The following CXCL9 variants were observed in gnomAD, a reference collection of about 807,000 sequenced individuals.
CXCL9 encodes C-X-C motif chemokine 9.
In CXCL9, 8 loss-of-function variants were observed where a neutral mutation model predicts 11.7. The ratio of observed to expected loss-of-function variants is 0.68; its 90% CI spans 0.40 to 1.23. The LOEUF (loss-of-function observed/expected upper bound fraction) is 1.23. CXCL9 is among the 50% of genes most tolerant of loss of function. The pLI is 0.01. For synonymous variants in CXCL9, 43 were observed against 48.2 expected, an observed-to-expected ratio of 0.89 and a Z score of 0.45; for missense variants, 133 against 141.7, an observed-to-expected ratio of 0.94 and a Z score of 0.31.
chr4:76,005,203 C>T (rs562070784), intron 2 of CXCL9: 216 of 187,340 alleles, frequency 1.2e-3, no homozygotes, highest in African/African-American at 4.8e-3. Flanking sequence ...TGCGCCACCA[C>T]GCCCAGCTAA....
At chr4:76,005,089 C>A in intron 2 of CXCL9, 196 bp from the exon 3 acceptor site, 2 of 837,522 alleles carry the variant, frequency 2.4e-6, no homozygotes, top group Non-Finnish European at 3.2e-6. Context: ...GCTCTGTTGC[C>A]AGGCTGGAGT....
At position 76,007,480 on chromosome 4, in the gene CXCL9, G is replaced by A; in HGVS notation, c.-31C>T. On this transcript the variant is annotated 5_prime_UTR_variant, in exon 1 of 4. Coordinates refer to ENST00000264888, the MANE Select transcript of CXCL9 (RefSeq NM_002416.3). ...TAGAATGGAGTTCCAAGTCACTCCT[G>A]TATTGGATTTTGAGCCTGAGAAATT... 1 of 1,273,472 alleles carries A rather than the reference G, an allele frequency of 7.9e-7. No individual in the cohort carries two copies. The highest frequency in any genetic ancestry group is 1.5e-5 in the African/African-American group (1 of 68,524). The allele number at this position is 1,273,472 out of a possible 1,614,324, so 78.9% of individuals were successfully genotyped here. A position where few individuals can be genotyped will look rare whatever the true frequency, so the allele number is the denominator to read the frequency against.
In CXCL9 at chr4:76,002,140, T is replaced by C; in HGVS notation, c.*1458A>G. On this transcript the variant is annotated 3_prime_UTR_variant, in exon 4 of 4. Coordinates refer to ENST00000264888, the MANE Select transcript of CXCL9 (RefSeq NM_002416.3). ...TTCGATAAGGATCTCGGTGGCTATC[T>C]TGTTAGATCTTAGAAAGCTGAGGCT... The C allele has an allele frequency of 7.6e-6, 3 of 394,034 alleles. No individual in the cohort carries two copies. Among genetic ancestry groups the C allele is most frequent in the Non-Finnish European group, 1.3e-5 (3 of 224,046 alleles). 24.4% of individuals were successfully genotyped at this position (394,034 alleles called of 1,614,324 possible). A position where few individuals can be genotyped will look rare whatever the true frequency, so the allele number is the denominator to read the frequency against.
chr4:76,002,212 T>A lies in CXCL9; in HGVS notation c.*1386A>T, dbSNP rs767663473. 11 of 398,004 alleles carry A rather than the reference T, an allele frequency of 2.8e-5. No homozygotes were observed. The highest frequency in any genetic ancestry group is 4.4e-5 in the Non-Finnish European group (10 of 225,810). 24.7% of individuals were successfully genotyped at this position (398,004 alleles called of 1,614,324 possible). A position where few individuals can be genotyped will look rare whatever the true frequency, so the allele number is the denominator to read the frequency against. On this transcript the variant is annotated 3_prime_UTR_variant, in exon 4 of 4. Transcript: ENST00000264888. ...TCGGGAAAAGGAATTTTTGTATGGT[T>A]GGGAAAAGGTTGGTCACTGGCTGAT...
chr4:76,007,390 C>T lies in CXCL9; in HGVS notation c.60G>A (p.Val20=). 6.4e-7 allele frequency: 1 copy of T among 1,572,732 alleles called. No individual in the cohort carries two copies. Among genetic ancestry groups the T allele is most frequent in the Non-Finnish European group, 8.8e-7 (1 of 1,142,264 alleles). Reference sequence around the variant, plus strand: ...ACCTAACTCAGAACCCCTTACCTTGCACTCCAATCAGAACCAGCAAGATGA... The same window carrying T: ...ACCTAACTCAGAACCCCTTACCTTGTACTCCAATCAGAACCAGCAAGATGA... ...LGIILLVLIG[V]QGTPVVRKGR... is the part of the protein sequence containing the mutation. Residue 20 remains valine (V), a synonymous_variant, in exon 1 of 4, where the codon GTG becomes GTA. Coordinates refer to ENST00000264888, the MANE Select transcript of CXCL9 (RefSeq NM_002416.3).
chr4:76,004,666 A>T, intron 3 of CXCL9, 143 bp downstream of exon 3: 2 of 1,284,732 alleles, frequency 1.6e-6, no homozygotes, highest in South Asian at 2.2e-5. Flanking sequence ...TGTCCTAGGA[A>T]CAAAATAGAA....
chr4:76,006,277 G>T lies in CXCL9; in HGVS notation c.65-3C>A, dbSNP rs1035844912. The T allele has an allele frequency of 6.2e-7, 1 of 1,612,806 alleles. No homozygotes were observed. Among genetic ancestry groups the T allele is most frequent in the Non-Finnish European group, 8.5e-7 (1 of 1,179,184 alleles). On this transcript the variant is annotated splice_region_variant and splice_polypyrimidine_tract_variant and intron_variant, in intron 1 of 3. Transcript: ENST00000264888. The stretch of plus-strand genomic sequence containing the variant: ...ACCCTTTCTCACTACTGGGGTTCCT[G>T]AGGGAAAGAAAAAGATAGAACACAT...
chr4:76,004,712 G>T, intron 3 of CXCL9, 97 bp downstream of exon 3: 1 of 1,412,782 alleles, frequency 7.1e-7, no homozygotes, highest in Non-Finnish European at 9.2e-7. Context: ...ATTCTTAAAA[G>T]TTATGTATTC....
In CXCL9 at chr4:76,002,085, C is replaced by G; in HGVS notation, c.*1513G>C. On this transcript the variant is annotated 3_prime_UTR_variant, in exon 4 of 4. Coordinates refer to ENST00000264888, the MANE Select transcript of CXCL9 (RefSeq NM_002416.3). ...ACAAACTCTGAAACAAGTAAACGGACAATAAAACTCATATTTGCCTAAAAT... is the reference window on the plus strand; with the variant it reads ...ACAAACTCTGAAACAAGTAAACGGAGAATAAAACTCATATTTGCCTAAAAT... 2.6e-6 allele frequency: 1 copy of G among 385,714 alleles called. No individual in the cohort carries two copies. The highest frequency in any genetic ancestry group is 3.7e-5 in the East Asian group (1 of 27,344). 23.9% of individuals were successfully genotyped at this position (385,714 alleles called of 1,614,324 possible).
At chr4:76,006,056 TTGTA>T in intron 2 of CXCL9, 88 bp downstream of exon 2, 1 of 1,187,878 alleles carries the variant, frequency 8.4e-7, no homozygotes, top group Non-Finnish European at 1.2e-6. Context: ...TTTTAAGTGT[TTGTA>T]TGGGCAAGCA....
intron 1 of CXCL9, among the ~76,000 whole-genome samples, chr4:76,007,053 C>T (rs1731599821): frequency 6.6e-6 from 1 of 152,018 alleles, no homozygotes; most frequent in Non-Finnish European, 1.5e-5. Context: ...TGGTTGGATC[C>T]TTAATTGGTT....
intron 1 of CXCL9, 52 bp from the exon 2 acceptor site, chr4:76,006,326 T>C (rs916209432): frequency 7.1e-6 from 11 of 1,552,164 alleles, no homozygotes; most frequent in South Asian, 2.4e-5. Context: ...TGTTTCAGTT[T>C]AGGTGATCTA....
At chr4:76,006,029 G>T in intron 2 of CXCL9, 119 bp downstream of exon 2, 1 of 868,398 alleles carries the variant, frequency 1.2e-6, no homozygotes, top group Non-Finnish European at 1.8e-6. Context: ...AATTTATGGA[G>T]GGGGTAACCA....
At chr4:76,004,689 G>T in intron 3 of CXCL9, 120 bp downstream of exon 3, 1 of 1,344,910 alleles carries the variant, frequency 7.4e-7, no homozygotes, top group African/African-American at 1.5e-5. Flanking sequence ...ACCATAATAT[G>T]AATGAAAAAT....
rs969902209 is a variant in CXCL9, at chr4:76,001,399, T to C, written c.*2199A>G. On this transcript the variant is annotated 3_prime_UTR_variant, in exon 4 of 4. Transcript: ENST00000264888. The stretch of plus-strand genomic sequence containing the variant: ...GAAAGCTAAAAAGTAAATAAGGACA[T>C]ATAAGATTTACTATTAAACATTCAA... The C allele has an allele frequency of 2.0e-5, 3 of 152,200 alleles. No homozygotes were observed. The highest frequency in any genetic ancestry group is 1.5e-5 in the Non-Finnish European group (1 of 68,034). 9.4% of individuals were successfully genotyped at this position (152,200 alleles called of 1,614,324 possible).
chr4:76,003,634 T>C lies in CXCL9; in HGVS notation c.342A>G (p.Arg114=). 6.2e-7 allele frequency: 1 copy of C among 1,612,042 alleles called. No individual in the cohort carries two copies. Among genetic ancestry groups the C allele is most frequent in the Admixed American group, 1.7e-5 (1 of 59,990 alleles). The change falls in exon 4 of 4, where the codon CGA becomes CGG. Residue 114 remains arginine (R), a synonymous_variant. Coordinates refer to ENST00000264888, the MANE Select transcript of CXCL9 (RefSeq NM_002416.3). ...TCTTTTGACGAGAACGTTGAGATTT[T>C]CGAACTTTCAGAACTTTCTTTTTTT... ...KHQKKKVLKV[R]KSQRSRQKKT... is the part of the protein sequence containing the mutation.
At chr4:76,006,907 T>A (rs1372780628) in intron 1 of CXCL9, among the ~76,000 whole-genome samples, 1 of 152,212 alleles carries the variant, frequency 6.6e-6, no homozygotes, top group Admixed American at 6.5e-5. Flanking sequence ...ATACATTGTG[T>A]AGCAGTCAGA....
chr4:76,005,426 G>C (rs1731566595), intron 2 of CXCL9: 1 of 152,156 alleles, frequency 6.6e-6, no homozygotes, highest in Non-Finnish European at 1.5e-5. Context: ...TATAGTCTGA[G>C]AATAAGAGTA....
At chr4:76,004,953 C>T in intron 2 of CXCL9, 60 bp from the exon 3 acceptor site, 1 of 1,469,688 alleles carries the variant, frequency 6.8e-7, no homozygotes, top group Non-Finnish European at 9.0e-7. Flanking sequence ...TGCTTCTTCT[C>T]AGAAATAATG....
Sources: gnomAD v4.1 joint callset for allele counts (sites outside exome capture counted in the v4.1 genomes callset) on GRCh38, gnomAD v4.1.1 for gene constraint, MANE v1.5 for transcripts, NCBI Gene and HGNC (gene_info 2026-07-23, HGNC 2026-07-21) for gene names.